TAF7L: variants seen among roughly 807,000 people sequenced by gnomAD.
TAF7L encodes the protein TATA-box binding protein associated factor 7 like, also known as transcription initiation factor TFIID subunit 7-like.
A neutral mutation model predicts 30.2 loss-of-function variants in TAF7L; 6 were observed. The ratio of observed to expected loss-of-function variants is 0.20; its 90% confidence interval spans 0.11 to 0.39. TAF7L has a LOEUF of 0.39. Among genes scored for constraint, TAF7L ranks in the 10% least tolerant of loss-of-function variants. The probability of loss-of-function intolerance (pLI) is 1.00; values close to 1 mark genes in which losing one functional copy is unlikely to be tolerated. For synonymous variants in TAF7L, 93 were observed against 94.5 expected, an observed-to-expected ratio of 0.98 and a Z score of 0.09; for missense variants, 284 against 277.1, an observed-to-expected ratio of 1.03 and a Z score of -0.18.
intron 12 of TAF7L, among the ~76,000 whole-genome samples, chrX:101,269,502 T>C (rs1004892412): frequency 2.4e-4 from 27 of 111,928 alleles, no homozygotes; most frequent in African/African-American, 8.1e-4. Context: ...GATAAAGATA[T>C]ACCTGAGTTT....
chrX:101,272,696 T>C (rs1211234822), intron 12 of TAF7L, among the ~76,000 whole-genome samples: 1 of 111,578 alleles, frequency 9.0e-6, no homozygotes, highest in African/African-American at 3.3e-5. Context: ...GATGAAACTA[T>C]TCTAAAATTG....
At chrX:101,281,999 C>T (rs1342278762) in intron 5 of TAF7L, among the ~76,000 whole-genome samples, 7 of 108,506 alleles carry the variant, frequency 6.5e-5, no homozygotes, top group Non-Finnish European at 3.8e-5. Flanking sequence ...GATTCTCCTG[C>T]CTCAGCCTCC....
chrX:101,282,222 T>A, intron 5 of TAF7L, 105 bp downstream of exon 5: 1 of 1,062,019 alleles, frequency 9.4e-7, no homozygotes. Flanking sequence ...GAGAACCTAA[T>A]GAACCAAACA....
chrX:101,282,450 G>A lies in TAF7L; in HGVS notation c.283C>T (p.Leu95Phe). 1 of 1,210,302 alleles carries A rather than the reference G, an allele frequency of 8.3e-7. No homozygotes were observed. Among genetic ancestry groups the A allele is most frequent in the Non-Finnish European group, 1.1e-6 (1 of 894,952 alleles). ...ATATCACCATCAGCAGTGCACACAA[G>A]CATCTACATTTAACAAAGACAAAGA... ...FYKTADISQM[L>F]VCTADGDIHL... is the part of the protein sequence containing the mutation. The change falls in exon 5 of 13, where the codon CTT becomes TTT. Residue 95 changes from leucine (L) to phenylalanine (F), a missense_variant. By Grantham distance (22) the Leu-to-Phe change is conservative. Coordinates refer to ENST00000356784, the MANE Select transcript of TAF7L (RefSeq NM_001168474.2).
chrX:101,287,662 C>G (rs760665201), intron 1 of TAF7L, 117 bp from the exon 2 acceptor site: 49 of 507,124 alleles, frequency 9.7e-5, no homozygotes, highest in Non-Finnish European at 1.6e-4. Context: ...GCCCATAATC[C>G]TCACTAGAAT....
intron 12 of TAF7L, among the ~76,000 whole-genome samples, chrX:101,269,602 C>T (rs1459405119): frequency 9.0e-6 from 1 of 111,702 alleles, no homozygotes; most frequent in Non-Finnish European, 1.9e-5. Context: ...CAAGTCATAT[C>T]TTACATGGAT....
intron 2 of TAF7L, among the ~76,000 whole-genome samples, chrX:101,287,059 G>C (rs922414192): frequency 1.3e-4 from 15 of 112,060 alleles, no homozygotes; most frequent in African/African-American, 2.9e-4. Flanking sequence ...GTATCAGTGT[G>C]GGGGAAGAGA....
At position 101,287,527 on chromosome X, in the gene TAF7L, T is replaced by C. The variant is rs1569277012; in HGVS notation, c.17A>G (p.Asp6Gly). Residue 6 changes from aspartate (D) to glycine (G), a missense_variant, in exon 2 of 13, where the codon GAT becomes GGT. Transcript: ENST00000356784. ...GTTCTCAACTTCATCAGGAACTTCA[T>C]CCTGGCTTTCACTCATGTCTTGATT... MSESQ[D>G]EVPDEVENQF... The C allele has an allele frequency of 5.0e-6, 6 of 1,209,386 alleles. No homozygotes were observed. In the Middle Eastern group the frequency reaches 6.9e-4, roughly 139 times the overall value.
At chrX:101,292,785 C>A, upstream of TAF7L, 2 of 1,203,982 alleles carry the variant, frequency 1.7e-6, no homozygotes, top group Non-Finnish European at 2.2e-6. Context: ...TAAAAAACCA[C>A]CTACCTTTCC....
chrX:101,275,072 CAA>C (rs2147369593), intron 12 of TAF7L, 148 bp downstream of exon 12: 3 of 461,919 alleles, frequency 6.5e-6, no homozygotes, highest in African/African-American at 2.5e-5. Flanking sequence ...TGAATTTTCA[CAA>C]AGACCTTGTT....
Position 101,268,868 on chromosome X carries a change from G to A in TAF7L, c.*325C>T. 1 of 183,808 alleles carries A rather than the reference G, an allele frequency of 5.4e-6. No individual in the cohort carries two copies. The highest frequency in any genetic ancestry group is 1.0e-5 in the Non-Finnish European group (1 of 98,705). The allele number at this position is 183,808 out of a possible 1,213,427, so 15.1% of individuals were successfully genotyped here. On this transcript the variant is annotated 3_prime_UTR_variant, in exon 13 of 13. Transcript: ENST00000356784. The stretch of plus-strand genomic sequence containing the variant: ...TAGTCCCAGCTACTCAGGAGGCTGA[G>A]GCGGAAGGATCCCTTAAGCCCAGGA...
intron 8 of TAF7L, 31 bp downstream of exon 8, chrX:101,278,018 A>T: frequency 8.5e-7 from 1 of 1,173,287 alleles, no homozygotes; most frequent in East Asian, 3.0e-5. Flanking sequence ...GGCAGAACAG[A>T]CTATGCAGAA....
At chrX:101,270,582 T>A (rs1449912281) in intron 12 of TAF7L, among the ~76,000 whole-genome samples, 1 of 111,316 alleles carries the variant, frequency 9.0e-6, no homozygotes, top group Admixed American at 9.6e-5. Flanking sequence ...CTCTCCAATT[T>A]CCCATTTTCA....
Position 101,291,330 on chromosome X carries a change from C to A in TAF7L, c.-109G>T. ...TGGGCTCCCGCGCGGAACGTAGAGGCGAACGCTGGGCTGCCGGCGCCTGGA... is the reference window on the plus strand; with the variant it reads ...TGGGCTCCCGCGCGGAACGTAGAGGAGAACGCTGGGCTGCCGGCGCCTGGA... On this transcript the variant is annotated 5_prime_UTR_variant, in exon 1 of 13. Transcript: ENST00000356784. The A allele has an allele frequency of 1.3e-6, 1 of 751,504 alleles. No homozygotes were observed. Among genetic ancestry groups the A allele is most frequent in the Non-Finnish European group, 1.6e-6 (1 of 636,525 alleles). 61.9% of individuals were successfully genotyped at this position (751,504 alleles called of 1,213,427 possible).
chrX:101,291,823 G>A (rs1335618650), upstream of TAF7L, among the ~76,000 whole-genome samples: 4 of 105,168 alleles, frequency 3.8e-5, no homozygotes, highest in East Asian at 1.2e-3. Context: ...CCGAGATTGC[G>A]CCACTGCACT....
At chrX:101,279,929 AAAAC>A (rs201832971) in intron 6 of TAF7L, among the ~76,000 whole-genome samples, 308 of 111,140 alleles carry the variant, frequency 2.8e-3, no homozygotes, top group Middle Eastern at 0.014. Flanking sequence ...AAGAAAAGCA[AAAAC>A]AAACAAACAA....
chrX:101,282,305 G>A (rs770270902), intron 5 of TAF7L, 22 bp downstream of exon 5: 6 of 1,208,017 alleles, frequency 5.0e-6, no homozygotes, highest in Non-Finnish European at 6.7e-6. Context: ...CAGCAGGAAT[G>A]AGCAAGGGGC....
chrX:101,288,797 G>C (rs1210590756), intron 1 of TAF7L, among the ~76,000 whole-genome samples: 1 of 110,298 alleles, frequency 9.1e-6, no homozygotes, highest in Non-Finnish European at 1.9e-5. Context: ...TATAATTATG[G>C]GGTACACAAT....
At chrX:101,282,520 C>T in intron 4 of TAF7L, 67 bp from the exon 5 acceptor site, 3 of 1,121,676 alleles carry the variant, frequency 2.7e-6, no homozygotes, top group Non-Finnish European at 3.7e-6. Context: ...CATAATCATT[C>T]TTACCACTAG....
Sources: gnomAD v4.1 joint callset for allele counts (sites outside exome capture counted in the v4.1 genomes callset) on GRCh38, gnomAD v4.1.1 for gene constraint, MANE v1.5 for transcripts, NCBI Gene and HGNC (gene_info 2026-07-23, HGNC 2026-07-21) for gene names.